SMYD3: variants seen among roughly 807,000 people sequenced by gnomAD.
SMYD3 encodes SET and MYND domain containing 3.
In SMYD3, 36 loss-of-function variants were observed where a neutral mutation model predicts 57.7. The ratio of observed to expected loss-of-function variants is 0.62; its 90% CI spans 0.48 to 0.82. The LOEUF is 0.82. SMYD3 is among the 40% of genes least tolerant of loss of function. The pLI, the probability that SMYD3 is intolerant of heterozygous loss-of-function variation, is 0.00. For missense variants in SMYD3, 515 were observed against 538.8 expected, an observed-to-expected ratio of 0.96 and a Z score of 0.44; for synonymous variants, 211 against 195.0, an observed-to-expected ratio of 1.08 and a Z score of -0.68.
chr1:246,096,394 T>C (rs2060916093), intron 5 of SMYD3: 1 of 152,228 alleles, frequency 6.6e-6, no homozygotes, highest in Admixed American at 6.5e-5. Context: ...ACAGTCTCAT[T>C]ACCTACTTGT....
chr1:245,940,332 G>T (rs769822010), intron 5 of SMYD3, among the ~76,000 whole-genome samples: 1 of 152,154 alleles, frequency 6.6e-6, no homozygotes, highest in Non-Finnish European at 1.5e-5. Flanking sequence ...TCCTGACTGG[G>T]TGAGACCTCC....
intron 5 of SMYD3, among the ~76,000 whole-genome samples, chr1:246,316,445 C>G (rs374065091): frequency 2.0e-5 from 3 of 151,340 alleles, no homozygotes; most frequent in Admixed American, 6.6e-5. Flanking sequence ...CTGCAACCTC[C>G]CCCTCCCAGG....
chr1:246,232,986 C>T (rs563614938), intron 5 of SMYD3, among the ~76,000 whole-genome samples: 333 of 135,326 alleles, frequency 2.5e-3, no homozygotes, highest in Non-Finnish European at 3.8e-3. Context: ...ACATATACCA[C>T]GCAGAGGAGA....
chr1:245,877,569 G>A (rs765543327), intron 8 of SMYD3, among the ~76,000 whole-genome samples: 5 of 152,234 alleles, frequency 3.3e-5, no homozygotes, highest in Admixed American at 6.5e-5. Context: ...CTTAGCAACA[G>A]TGAGAGAGGA....
intron 5 of SMYD3, among the ~76,000 whole-genome samples, chr1:245,946,903 C>A (rs1416252308): frequency 6.6e-6 from 1 of 152,168 alleles, no homozygotes; most frequent in Non-Finnish European, 1.5e-5. Flanking sequence ...CCTTCCTCAG[C>A]CAAAGATTAT....
At position 246,058,962 on chromosome 1, in the gene SMYD3, C is replaced by T. The variant is rs563875853; in HGVS notation, c.532-129025G>A. Among the ~76,000 whole-genome samples, 3 of 151,928 alleles carry T rather than the reference C, an allele frequency of 2.0e-5. No homozygotes were observed. The South Asian group carries it at 6.3e-4, about 32-fold the overall frequency. On this transcript the variant is annotated intron_variant, in intron 5 of 11. Transcript: ENST00000490107. The stretch of plus-strand genomic sequence containing the variant: ...TGATCTCCGCTCACTGCCAGCTCCG[C>T]CTCCCGGGTTCACACCATTCTCCTG...
intron 1 of SMYD3, among the ~76,000 whole-genome samples, chr1:246,412,302 A>C (rs10924725): frequency 0.99 from 151,159 of 152,338 alleles, 75,007 homozygotes; most frequent in East Asian, 1. Flanking sequence ...ATTTCTCTGA[A>C]CTAGCTGGCA....
At chr1:246,198,799 C>T (rs1228808191) in intron 5 of SMYD3, among the ~76,000 whole-genome samples, 3 of 152,088 alleles carry the variant, frequency 2.0e-5, no homozygotes, top group African/African-American at 7.2e-5. Flanking sequence ...TATAGTGGCA[C>T]CTACTTTTTA....
intron 2 of SMYD3, among the ~76,000 whole-genome samples, chr1:246,349,342 G>A (rs2065780863): frequency 6.6e-6 from 1 of 150,808 alleles, no homozygotes; most frequent in Non-Finnish European, 1.5e-5. Context: ...CAGTGGCTCA[G>A]GCCTGTAATC....
chr1:245,995,478 ATAT>A (rs2058909946), intron 5 of SMYD3, among the ~76,000 whole-genome samples: 1 of 152,264 alleles, frequency 6.6e-6, no homozygotes, highest in Non-Finnish European at 1.5e-5. Context: ...TGTTTGGTAA[ATAT>A]TTACAGATGA....
intron 5 of SMYD3, among the ~76,000 whole-genome samples, chr1:246,061,839 G>T (rs895769155): frequency 6.6e-6 from 1 of 152,186 alleles, no homozygotes; most frequent in Admixed American, 6.5e-5. Flanking sequence ...TGCCTTGATA[G>T]ACCGGCACTA....
chr1:246,145,186 A>G (rs2061824170), intron 5 of SMYD3, among the ~76,000 whole-genome samples: 1 of 152,268 alleles, frequency 6.6e-6, no homozygotes, highest in Non-Finnish European at 1.5e-5. Context: ...GCTCAGATGC[A>G]AATTTTAATC....
chr1:245,902,416 G>A (rs1046035277), intron 8 of SMYD3, among the ~76,000 whole-genome samples: 16 of 152,204 alleles, frequency 1.1e-4, no homozygotes, highest in Admixed American at 3.3e-4. Flanking sequence ...GGGGCACAAT[G>A]TCCAGAGGCC....
intron 8 of SMYD3, among the ~76,000 whole-genome samples, chr1:245,883,960 T>C (rs1355879574): frequency 1.3e-5 from 2 of 152,196 alleles, no homozygotes; most frequent in African/African-American, 4.8e-5. Context: ...TTTTTTCCTT[T>C]AGCGGTAGGA....
At chr1:246,062,283 AT>A (rs978150321) in intron 5 of SMYD3, among the ~76,000 whole-genome samples, 6 of 152,096 alleles carry the variant, frequency 3.9e-5, no homozygotes, top group African/African-American at 1.4e-4. Flanking sequence ...TGATTTGGGG[AT>A]CTTTATAGTC....
At chr1:246,405,257 G>C (rs1011925748) in intron 1 of SMYD3, among the ~76,000 whole-genome samples, 11 of 152,268 alleles carry the variant, frequency 7.2e-5, no homozygotes, top group African/African-American at 2.4e-4. Flanking sequence ...TGGCCATACA[G>C]TATGATATTT....
chr1:246,059,334 C>T (rs530843038), intron 5 of SMYD3, among the ~76,000 whole-genome samples: 1 of 148,388 alleles, frequency 6.7e-6, no homozygotes, highest in South Asian at 2.1e-4. Context: ...AACACATTTA[C>T]CTAGAGAAAA....
intron 5 of SMYD3, among the ~76,000 whole-genome samples, chr1:246,228,712 G>A (rs1177019734): frequency 1.3e-5 from 2 of 152,068 alleles, no homozygotes; most frequent in Non-Finnish European, 2.9e-5. Flanking sequence ...ATTCCTTTCT[G>A]TATAAGTTTC....
At chr1:245,813,005 CTTTTTTTT>C (rs770448717) in intron 10 of SMYD3, among the ~76,000 whole-genome samples, 24 of 75,626 alleles carry the variant, frequency 3.2e-4, no homozygotes, top group Non-Finnish European at 5.4e-4. Flanking sequence ...GAGACAGCTT[CTTTTTTTT>C]TTTTTTTTTT....
Sources: gnomAD v4.1 joint callset for allele counts (sites outside exome capture counted in the v4.1 genomes callset) on GRCh38, gnomAD v4.1.1 for gene constraint, MANE v1.5 for transcripts, NCBI Gene and HGNC (gene_info 2026-07-23, HGNC 2026-07-21) for gene names.